Variants in PCDHGB6 observed in about 807,000 individuals in gnomAD.
PCDHGB6 encodes the protein protocadherin gamma-B6.
In PCDHGB6, 51 loss-of-function variants were observed where a neutral mutation model predicts 59.1. The observed-to-expected ratio is 0.86, with a 90% CI of 0.69 to 1.09. PCDHGB6 has a LOEUF of 1.09. Among genes scored for constraint, PCDHGB6 ranks in the 50% least tolerant of loss-of-function variants. The pLI, the probability that PCDHGB6 is intolerant of heterozygous loss-of-function variation, is 0.00. For missense variants in PCDHGB6, 1,148 were observed against 1,205.1 expected, an observed-to-expected ratio of 0.95 and a Z score of 0.70; for synonymous variants, 466 against 495.1, an observed-to-expected ratio of 0.94 and a Z score of 0.78.
chr5:141,476,665 C>T lies in PCDHGB6; in HGVS notation c.2419-18142C>T. On this transcript the variant is annotated intron_variant, in intron 1 of 3. Coordinates refer to ENST00000520790, the MANE Select transcript of PCDHGB6 (RefSeq NM_018926.3). This position sits in a 1 kb window ranked among gnomAD's most constrained non-coding sequence, Gnocchi z 7.6. ...GCCGAAATGAATACTTTGCGCTTCG[C>T]GTGCAGACGCGGGAGGACAGCACCA... 6.2e-7 allele frequency: 1 copy of T among 1,614,240 alleles called. No homozygotes were observed. Among genetic ancestry groups the T allele is most frequent in the East Asian group, 2.2e-5 (1 of 44,882 alleles).
At chr5:141,492,240 C>T (rs1031016944) in intron 1 of PCDHGB6, among the ~76,000 whole-genome samples, 1 of 152,242 alleles carries the variant, frequency 6.6e-6, no homozygotes, top group African/African-American at 2.4e-5. Flanking sequence ...CTGCTGGCCA[C>T]CCCCACGGCC....
chr5:141,414,437 C>T (rs1422750138), intron 1 of PCDHGB6: 1 of 1,613,856 alleles, frequency 6.2e-7, no homozygotes, highest in Non-Finnish European at 8.5e-7. Flanking sequence ...CAGGTATCCT[C>T]TTACAATATC....
Position 141,485,943 on chromosome 5 carries a change from C to CG in PCDHGB6, c.2419-8861dup, listed in dbSNP as rs1562109052. ...ATTAGTGTGTTGGAGAGCGCACCAG[C>CG]GGGCATGGTGCTCATCCAGCTCAAT... On this transcript the variant is annotated intron_variant, in intron 1 of 3. Coordinates refer to ENST00000520790, the MANE Select transcript of PCDHGB6 (RefSeq NM_018926.3). The surrounding 1 kb of genome is among the most constrained non-coding windows in gnomAD (Gnocchi z 5.7). The CG allele has an allele frequency of 1.2e-6, 2 of 1,614,126 alleles. No individual in the cohort carries two copies. Among genetic ancestry groups the CG allele is most frequent in the Non-Finnish European group, 1.7e-6 (2 of 1,180,012 alleles).
chr5:141,429,426 G>C (rs992784469), intron 1 of PCDHGB6, among the ~76,000 whole-genome samples: 3 of 151,724 alleles, frequency 2.0e-5, no homozygotes, highest in African/African-American at 4.8e-5. Context: ...TGTTGCCCAG[G>C]CTGGACTCAA....
Position 141,493,891 on chromosome 5 carries a change from G to A in PCDHGB6, c.2419-916G>A, listed in dbSNP as rs1595204910. On this transcript the variant is annotated intron_variant, in intron 1 of 3. Transcript: ENST00000520790. The surrounding 1 kb of genome is among the most constrained non-coding windows in gnomAD (Gnocchi z 4.3). ...CCAGTGAGGAGGTGGCTCTAGGAGT[G>A]CTCCATGAGAGTGTGTGATGGGATA... Among the ~76,000 whole-genome samples, 1 of 152,300 alleles carries A rather than the reference G, an allele frequency of 6.6e-6. No homozygotes were observed. The highest frequency in any genetic ancestry group is 1.5e-5 in the Non-Finnish European group (1 of 68,018).
At position 141,432,651 on chromosome 5, in the gene PCDHGB6, C is replaced by A; in HGVS notation, c.2418+22031C>A. 2.5e-6 allele frequency: 4 copies of A among 1,613,824 alleles called. No individual in the cohort carries two copies. The highest frequency in any genetic ancestry group is 1.1e-5 in the South Asian group (1 of 91,058). ...ACGGGCGAGGTGCGCACGGCGCGAG[C>A]CCTGCTGGACAGAGACGCGCTCAAG... On this transcript the variant is annotated intron_variant, in intron 1 of 3. Coordinates refer to ENST00000520790, the MANE Select transcript of PCDHGB6 (RefSeq NM_018926.3). This position sits in a 1 kb window ranked among gnomAD's most constrained non-coding sequence, Gnocchi z 6.0.
chr5:141,408,937 C>T lies in PCDHGB6; in HGVS notation c.735C>T (p.Asp245=), dbSNP rs2095198483. Reference sequence around the variant, plus strand: ...ATAACCCCCCGGTTTTCAGCAGAGACGAATATAGAATTAGTCTTAGTGAAA... The same window carrying T: ...ATAACCCCCCGGTTTTCAGCAGAGATGAATATAGAATTAGTCTTAGTGAAA... The part of the protein sequence containing the change: ...TNDNPPVFSR[D]EYRISLSENL... Residue 245 remains aspartate, a synonymous_variant, in exon 1 of 4, where the codon GAC becomes GAT. Coordinates refer to ENST00000520790, the MANE Select transcript of PCDHGB6 (RefSeq NM_018926.3). 5 of 1,613,344 alleles carry T rather than the reference C, an allele frequency of 3.1e-6. No homozygotes were observed. Among genetic ancestry groups the T allele is most frequent in the African/African-American group, 1.3e-5 (1 of 74,836 alleles).
rs577323909 is a variant in PCDHGB6 at position 141,419,160 on chromosome 5, C to G, written c.2418+8540C>G. 13 of 1,613,956 alleles carry G rather than the reference C, an allele frequency of 8.1e-6. 1 individual carries two copies. In the South Asian group the frequency reaches 1.4e-4, roughly 18 times the overall value. On this transcript the variant is annotated intron_variant, in intron 1 of 3. Coordinates refer to ENST00000520790, the MANE Select transcript of PCDHGB6 (RefSeq NM_018926.3). ...GACAGGGGCAAGCCTCCGTTATCCT[C>G]CAGCAAAACCATAACCCTGCACATT...
At chr5:141,460,580 G>A (rs1037056676) in intron 1 of PCDHGB6, among the ~76,000 whole-genome samples, 7 of 152,160 alleles carry the variant, frequency 4.6e-5, no homozygotes, top group African/African-American at 1.4e-4. Flanking sequence ...ATGTAGGTGT[G>A]GGTTTTTTCT....
intron 1 of PCDHGB6, chr5:141,427,723 G>T: frequency 8.9e-7 from 1 of 1,127,490 alleles, no homozygotes; most frequent in East Asian, 2.4e-5. Flanking sequence ...CTGGACCTAG[G>T]GCTGAATGGC....
chr5:141,456,324 G>T (rs757059960), intron 1 of PCDHGB6, among the ~76,000 whole-genome samples: 15 of 152,166 alleles, frequency 9.9e-5, no homozygotes, highest in Non-Finnish European at 2.9e-5. Context: ...TCCTCCTGGG[G>T]TTGATCTAAG....
At chr5:141,451,832 G>A (rs1190124133) in intron 1 of PCDHGB6, among the ~76,000 whole-genome samples, 1 of 150,948 alleles carries the variant, frequency 6.6e-6, no homozygotes, top group Non-Finnish European at 1.5e-5. Context: ...AGTGAGCCGA[G>A]ATCACACCAC....
chr5:141,489,944 T>A lies in PCDHGB6; in HGVS notation c.2419-4863T>A. On this transcript the variant is annotated intron_variant, in intron 1 of 3. Coordinates refer to ENST00000520790, the MANE Select transcript of PCDHGB6 (RefSeq NM_018926.3). The surrounding 1 kb of genome is among the most constrained non-coding windows in gnomAD (Gnocchi z 4.5). ...CTTATCTCTGTCATCGTGCTGGACA[T>A]CAATGATAATGCTCCAACCTTCCAA... 1 of 1,614,172 alleles carries A rather than the reference T, an allele frequency of 6.2e-7. No individual in the cohort carries two copies. The highest frequency in any genetic ancestry group is 8.5e-7 in the Non-Finnish European group (1 of 1,180,010).
intron 1 of PCDHGB6, chr5:141,414,109 G>A: frequency 6.3e-7 from 1 of 1,592,288 alleles, no homozygotes; most frequent in Non-Finnish European, 8.6e-7. Context: ...AGAAAATCTA[G>A]ATTATGAAGA....
chr5:141,466,115 C>A (rs2099117208), intron 1 of PCDHGB6, among the ~76,000 whole-genome samples: 1 of 151,618 alleles, frequency 6.6e-6, no homozygotes, highest in African/African-American at 2.4e-5. Context: ...GAGTGAGACT[C>A]CAGCTCAAAA....
In PCDHGB6 at chr5:141,511,067, C is replaced by T. The variant is rs760786015; in HGVS notation, c.2687C>T (p.Pro896Leu). The change falls in exon 4 of 4, where the codon CCA (proline) becomes CTA (leucine). Residue 896 changes from proline (P) to leucine (L), a missense_variant. Pro to Leu is a moderately conservative substitution (Grantham distance 98). Coordinates refer to ENST00000520790, the MANE Select transcript of PCDHGB6 (RefSeq NM_018926.3). ...VPDYRQNVYI[P>L]GSNATLTNAA... ...GACTACCGCCAGAATGTCTACATCC[C>T]AGGCAGCAATGCCACACTGACCAAC... 7.4e-6 allele frequency: 12 copies of T among 1,614,136 alleles called. No homozygotes were observed. Among genetic ancestry groups the T allele is most frequent in the African/African-American group, 1.3e-5 (1 of 74,942 alleles).
intron 1 of PCDHGB6, chr5:141,422,395 C>T: frequency 1.9e-6 from 3 of 1,596,286 alleles, no homozygotes; most frequent in South Asian, 1.1e-5. Context: ...TATTCCTAAC[C>T]ACCTGCCTTT....
At chr5:141,439,190 C>CA (rs200519543) in intron 1 of PCDHGB6, among the ~76,000 whole-genome samples, 17,650 of 111,626 alleles carry the variant, frequency 0.16, 1,295 homozygotes, top group African/African-American at 0.25. Context: ...GAGACTCTGA[C>CA]AAAAAAAAAA....
At chr5:141,422,020 G>A (rs374562798) in intron 1 of PCDHGB6, 2 of 1,610,932 alleles carry the variant, frequency 1.2e-6, no homozygotes, top group Non-Finnish European at 1.7e-6. Flanking sequence ...GGTGCTGATG[G>A]TTAATGCAAC....
Sources: gnomAD v4.1 joint callset for allele counts (sites outside exome capture counted in the v4.1 genomes callset) on GRCh38, gnomAD v4.1.1 for gene constraint, Gnocchi (gnomAD v3.1) non-coding constraint, MANE v1.5 for transcripts, NCBI Gene and HGNC (gene_info 2026-07-23, HGNC 2026-07-21) for gene names.